The following USP13 variants were observed in gnomAD, a reference collection of about 807,000 sequenced individuals.
USP13 encodes ubiquitin specific peptidase 13.
In USP13, 68 loss-of-function variants were observed where a neutral mutation model predicts 107.8. The observed-to-expected ratio is 0.63, with a 90% CI of 0.52 to 0.77. The LOEUF (loss-of-function observed/expected upper bound fraction) is 0.77, where lower values mean the gene tolerates loss of function less well. USP13 is among the 30% of genes least tolerant of loss of function. The pLI is 0.00. For missense variants in USP13, 945 were observed against 1,093.3 expected (o/e 0.86, Z 1.91); for synonymous variants, 377 against 389.5 (o/e 0.97, Z 0.38).
chr3:179,673,558 A>G (rs1200690130), intron 1 of USP13, among the ~76,000 whole-genome samples: 1 of 152,236 alleles, frequency 6.6e-6, no homozygotes, highest in Non-Finnish European at 1.5e-5. Context: ...TTCAATGAGC[A>G]TGACACTGAT....
intron 1 of USP13, among the ~76,000 whole-genome samples, chr3:179,658,913 T>A (rs1275842768): frequency 6.6e-6 from 1 of 152,228 alleles, no homozygotes; most frequent in South Asian, 2.1e-4. Flanking sequence ...CAGCTGAGGC[T>A]AAGACTGTTG....
At chr3:179,744,764 C>T (rs1197168483) in intron 12 of USP13, among the ~76,000 whole-genome samples, 1 of 152,170 alleles carries the variant, frequency 6.6e-6, no homozygotes, top group East Asian at 1.9e-4. Flanking sequence ...GTCTGGCCCT[C>T]TCACCCACCC....
intron 1 of USP13, among the ~76,000 whole-genome samples, chr3:179,681,561 C>T (rs1292165087): frequency 6.6e-6 from 1 of 151,764 alleles, no homozygotes. Context: ...CAGGAGCTGG[C>T]GGTGCAGCTT....
intron 1 of USP13, among the ~76,000 whole-genome samples, chr3:179,672,733 C>T (rs138978597): frequency 6.6e-6 from 1 of 152,128 alleles, no homozygotes; most frequent in Non-Finnish European, 1.5e-5. Context: ...CCTTTCTTAC[C>T]GTTTGATTAT....
chr3:179,727,623 C>T (rs1390432380), intron 8 of USP13, among the ~76,000 whole-genome samples: 6 of 92,534 alleles, frequency 6.5e-5, no homozygotes, highest in Admixed American at 2.6e-4. Context: ...ACCCTTCCCC[C>T]CTTTCTATTC....
rs1258855899 is a variant in USP13, at chr3:179,721,405, G to C, written c.904G>C (p.Glu302Gln). 6 of 1,613,374 alleles carry C rather than the reference G, an allele frequency of 3.7e-6. No individual in the cohort carries two copies. Among genetic ancestry groups the C allele is most frequent in the Non-Finnish European group, 4.2e-6 (5 of 1,179,650 alleles). Residue 302 changes from glutamate to glutamine, a missense_variant, in exon 8 of 21, where the codon GAG (glutamate) becomes CAG (glutamine). Physicochemically the swap from Glu to Gln is conservative, Grantham distance 29 (BLOSUM62 2). Transcript: ENST00000263966. The surrounding 1 kb of genome is among the most constrained non-coding windows in gnomAD (Gnocchi z 4.3). ...TTCTTCGATGACTTTGTCTCAGACA[G>C]AGAATGGGCTCCAGGACAATGACAT... ...GIDMLHMHGT[E>Q]NGLQDNDIKL...
Position 179,721,917 on chromosome 3 carries a change from A to C in USP13, c.1088+328A>C, listed in dbSNP as rs1309012171. ...AAACCCGTCTCTACTAAAAATACAA[A>C]AATTAGCCAGGGGTGGTGGTGCACG... is the stretch of plus-strand genomic sequence containing the variant. On this transcript the variant is annotated intron_variant, in intron 8 of 20. Coordinates refer to ENST00000263966, the MANE Select transcript of USP13 (RefSeq NM_003940.3). The surrounding 1 kb of genome is among the most constrained non-coding windows in gnomAD (Gnocchi z 4.3). Among the ~76,000 whole-genome samples, 1 of 151,934 alleles carries C rather than the reference A, an allele frequency of 6.6e-6. No individual in the cohort carries two copies. Among genetic ancestry groups the C allele is most frequent in the Non-Finnish European group, 1.5e-5 (1 of 68,000 alleles).
At chr3:179,767,247 T>C (rs185331285) in intron 19 of USP13, among the ~76,000 whole-genome samples, 81 of 152,274 alleles carry the variant, frequency 5.3e-4, no homozygotes, top group Non-Finnish European at 7.1e-4. Flanking sequence ...ACAGTAACCT[T>C]ATGAGGTACA....
chr3:179,653,334 G>A lies in USP13; in HGVS notation c.109G>A (p.Val37Met). Residue 37 changes from valine to methionine, a missense_variant, in exon 1 of 21, where the codon GTG becomes ATG. Transcript: ENST00000263966. The surrounding 1 kb of genome is among the most constrained non-coding windows in gnomAD (Gnocchi z 4.0). Reference protein sequence around the residue: ...LLVPHMPTIRVPRSGDRVYKN... With the variant: ...LLVPHMPTIRMPRSGDRVYKN... ...AGTGCCCCACATGCCCACGATCCGC[G>A]TGCCCAGGTCCGGCGACAGGGTCTA... 6.3e-7 allele frequency: 1 copy of A among 1,578,972 alleles called. No individual in the cohort carries two copies. The highest frequency in any genetic ancestry group is 2.3e-5 in the East Asian group (1 of 43,052).
At chr3:179,765,257 A>G (rs569026324) in intron 18 of USP13, among the ~76,000 whole-genome samples, 1 of 152,354 alleles carries the variant, frequency 6.6e-6, no homozygotes, top group Non-Finnish European at 1.5e-5. Flanking sequence ...ATAATACCAC[A>G]CTGGCATCCC....
At chr3:179,708,376 G>A (rs1418338376) in intron 5 of USP13, among the ~76,000 whole-genome samples, 2 of 151,272 alleles carry the variant, frequency 1.3e-5, no homozygotes, top group African/African-American at 2.4e-5. Context: ...GCACAATCTC[G>A]GCCCACTGCA....
intron 19 of USP13, among the ~76,000 whole-genome samples, chr3:179,778,470 A>G (rs1231273174): frequency 6.6e-6 from 1 of 152,228 alleles, no homozygotes; most frequent in Middle Eastern, 3.2e-3. Context: ...ACAAGTAAGA[A>G]TGTGACATGG....
chr3:179,718,641 C>T (rs971741280), intron 6 of USP13, among the ~76,000 whole-genome samples: 11 of 152,154 alleles, frequency 7.2e-5, no homozygotes, highest in Admixed American at 2.0e-4. Context: ...GATAGGGCAG[C>T]GGATTGGATA....
intron 8 of USP13, among the ~76,000 whole-genome samples, chr3:179,724,440 C>T (rs1286134319): frequency 2.3e-5 from 3 of 131,354 alleles, no homozygotes; most frequent in Non-Finnish European, 3.1e-5. Flanking sequence ...CCTGGGCAAC[C>T]AAGTGAGACT....
At chr3:179,748,911 T>C (rs932125020) in intron 13 of USP13, among the ~76,000 whole-genome samples, 1 of 152,198 alleles carries the variant, frequency 6.6e-6, no homozygotes, top group Non-Finnish European at 1.5e-5. Flanking sequence ...AATGGTACTT[T>C]CTTTACAGGG....
At chr3:179,691,734 TG>T (rs1413149693) in intron 3 of USP13, among the ~76,000 whole-genome samples, 2 of 152,202 alleles carry the variant, frequency 1.3e-5, no homozygotes, top group African/African-American at 4.8e-5. Flanking sequence ...CAGTGGACCT[TG>T]CCTGCAATAA....
intron 2 of USP13, among the ~76,000 whole-genome samples, chr3:179,688,417 C>T (rs73054611): frequency 0.072 from 10,928 of 152,220 alleles, 963 homozygotes; most frequent in African/African-American, 0.21. Flanking sequence ...CATATATGCT[C>T]CCCTACTATG....
At chr3:179,759,273 G>A (rs999623143) in intron 16 of USP13, among the ~76,000 whole-genome samples, 4 of 151,926 alleles carry the variant, frequency 2.6e-5, no homozygotes, top group African/African-American at 4.8e-5. Context: ...GAGCCACCGC[G>A]CCCAGCCGGA....
chr3:179,655,045 G>T (rs1720210055), intron 1 of USP13, among the ~76,000 whole-genome samples: 1 of 152,106 alleles, frequency 6.6e-6, no homozygotes, highest in Non-Finnish European at 1.5e-5. Context: ...TGTATGGCCA[G>T]TGTTGGGCAG....
Sources: gnomAD v4.1 joint callset for allele counts (sites outside exome capture counted in the v4.1 genomes callset) on GRCh38, gnomAD v4.1.1 for gene constraint, Gnocchi (gnomAD v3.1) non-coding constraint, MANE v1.5 for transcripts, NCBI Gene and HGNC (gene_info 2026-07-23, HGNC 2026-07-21) for gene names.